Variants in SAMHD1 observed in about 807,000 individuals in gnomAD.
SAMHD1 encodes deoxynucleoside triphosphate triphosphohydrolase SAMHD1.
In SAMHD1, 54 loss-of-function variants were observed where a neutral mutation model predicts 79.6. The observed-to-expected ratio is 0.68, with a 90% CI of 0.55 to 0.85. The LOEUF (loss-of-function observed/expected upper bound fraction) is 0.85. Among genes scored for constraint, SAMHD1 ranks in the 40% least tolerant of loss-of-function variants. The pLI, the probability that SAMHD1 is intolerant of heterozygous loss-of-function variation, is 0.00. For missense variants in SAMHD1, 663 were observed against 782.7 expected (o/e 0.85, Z 1.82); for synonymous variants, 260 against 264.1 (o/e 0.98, Z 0.15).
intron 5 of SAMHD1, among the ~76,000 whole-genome samples, chr20:36,928,791 T>C (rs2063551333): frequency 2.0e-5 from 3 of 151,970 alleles, no homozygotes; most frequent in Admixed American, 2.0e-4. Flanking sequence ...GTGTGGTGGC[T>C]CATGCCTGTA....
rs2063399474 is a variant in SAMHD1 at position 36,905,468 on chromosome 20, G to T, written c.1306C>A (p.Pro436Thr). 3 of 1,612,160 alleles carry T rather than the reference G, an allele frequency of 1.9e-6. No homozygotes were observed. In the South Asian group the frequency reaches 3.3e-5, roughly 18 times the overall value. Residue 436 changes from proline (P) to threonine (T), a missense_variant, in exon 12 of 16, where the codon CCC (proline) becomes ACC (threonine). Coordinates refer to ENST00000646673, the MANE Select transcript of SAMHD1 (RefSeq NM_015474.4). ...IFLEILYSTD[P>T]KLKDAREILK... ...ATCTCTCGTGCGTCTTTCAATTTGG[G>T]ATCAGTAGAGTATAAAATCTCCAGA...
At chr20:36,936,123 C>T (rs1055312049) in intron 3 of SAMHD1, among the ~76,000 whole-genome samples, 2 of 151,796 alleles carry the variant, frequency 1.3e-5, no homozygotes, top group African/African-American at 4.8e-5. Context: ...TCTGTAGTCC[C>T]GGGTACTCTA....
chr20:36,938,054 A>G (rs1386146414), intron 3 of SAMHD1, among the ~76,000 whole-genome samples: 1 of 151,976 alleles, frequency 6.6e-6, no homozygotes, highest in Non-Finnish European at 1.5e-5. Flanking sequence ...TTGTTTGTAG[A>G]TGGAGTTTCA....
At chr20:36,914,731 G>A (rs1265323001) in intron 9 of SAMHD1, among the ~76,000 whole-genome samples, 1 of 151,730 alleles carries the variant, frequency 6.6e-6, no homozygotes, top group Non-Finnish European at 1.5e-5. Context: ...AGTAGATGGG[G>A]CGTGGCGGCT....
chr20:36,907,310 G>A (rs1601121236), intron 11 of SAMHD1, among the ~76,000 whole-genome samples: 2 of 150,962 alleles, frequency 1.3e-5, no homozygotes, highest in Non-Finnish European at 3.0e-5. Context: ...TCAGGCTGGA[G>A]TGAAGTGGCA....
At chr20:36,946,905 AC>A in intron 1 of SAMHD1, 101 bp from the exon 2 acceptor site, 1 of 879,730 alleles carries the variant, frequency 1.1e-6, no homozygotes, top group Non-Finnish European at 1.8e-6. Context: ...ATAAGTGAGT[AC>A]CCACTGCAGG....
intron 11 of SAMHD1, 37 bp from the exon 12 acceptor site, chr20:36,905,540 A>C: frequency 6.5e-7 from 1 of 1,533,570 alleles, no homozygotes; most frequent in South Asian, 1.1e-5. Flanking sequence ...TATTAAAATA[A>C]AAACACAGAG....
rs773525960 is a variant in SAMHD1, at chr20:36,927,287, C to T, written c.626-35G>A. 15 of 1,305,898 alleles carry T rather than the reference C, an allele frequency of 1.1e-5. No individual in the cohort carries two copies. In the Admixed American group the frequency reaches 1.4e-4, roughly 12 times the overall value. The allele number at this position is 1,305,898 out of a possible 1,614,324, so 80.9% of individuals were successfully genotyped here. ...AAAAGCAGCCTTAGAACAAGAAAAA[C>T]ATCTGTAAACCAACAAAAACTTTTT... On this transcript the variant is annotated intron_variant, in intron 5 of 15. Transcript: ENST00000646673.
chr20:36,918,239 C>T lies in SAMHD1; in HGVS notation c.852+1125G>A, dbSNP rs190390021. Among the ~76,000 whole-genome samples, 286 of 152,074 alleles carry T rather than the reference C, an allele frequency of 1.9e-3. 1 individual carries two copies. Among genetic ancestry groups the T allele is most frequent in the African/African-American group, 6.4e-3 (266 of 41,514 alleles). On this transcript the variant is annotated intron_variant, in intron 7 of 15. Coordinates refer to ENST00000646673, the MANE Select transcript of SAMHD1 (RefSeq NM_015474.4). ...GTGCTGGGATTACAGGCATGAGTCACTGAGCCTGGCCAAATATGTTCATTT... is the reference window on the plus strand; with the variant it reads ...GTGCTGGGATTACAGGCATGAGTCATTGAGCCTGGCCAAATATGTTCATTT...
chr20:36,905,739 G>A (rs2063401090), intron 11 of SAMHD1, among the ~76,000 whole-genome samples: 1 of 152,160 alleles, frequency 6.6e-6, no homozygotes, highest in East Asian at 1.9e-4. Context: ...GAGAGGCCGA[G>A]GCGGGCGGAT....
chr20:36,947,846 A>AT (rs1798579534), intron 1 of SAMHD1, among the ~76,000 whole-genome samples: 1 of 151,590 alleles, frequency 6.6e-6, no homozygotes, highest in Non-Finnish European at 1.5e-5. Context: ...TTTTATTTTT[A>AT]TTTTTTGTAA....
At chr20:36,944,118 C>T (rs1453201267) in intron 2 of SAMHD1, among the ~76,000 whole-genome samples, 3 of 145,988 alleles carry the variant, frequency 2.1e-5, no homozygotes, top group South Asian at 2.2e-4. Context: ...AGGCCTGAGG[C>T]GGGCAGATCA....
chr20:36,918,719 T>C (rs1422785988), intron 7 of SAMHD1, among the ~76,000 whole-genome samples: 3 of 145,568 alleles, frequency 2.1e-5, no homozygotes, highest in African/African-American at 7.7e-5. Flanking sequence ...GAAGAATTGC[T>C]TGAGCCTGGG....
At chr20:36,945,025 A>G (rs1204392865) in intron 2 of SAMHD1, among the ~76,000 whole-genome samples, 5 of 151,214 alleles carry the variant, frequency 3.3e-5, no homozygotes, top group Admixed American at 3.3e-4. Flanking sequence ...ATGTATGTAT[A>G]TATGTATCTA....
chr20:36,910,255 G>A (rs77134143), intron 11 of SAMHD1, among the ~76,000 whole-genome samples: 1 of 150,834 alleles, frequency 6.6e-6, no homozygotes, highest in Non-Finnish European at 1.5e-5. Flanking sequence ...AGGTGTGGTG[G>A]CACATGCCTA....
rs538233889 is a variant in SAMHD1 at position 36,951,292 on chromosome 20, A to G, written c.208+144T>C. 379 of 1,140,354 alleles carry G rather than the reference A, an allele frequency of 3.3e-4. 4 individuals carry two copies. The African/African-American group carries it at 5.6e-3, about 17-fold the overall frequency. 70.6% of individuals were successfully genotyped at this position (1,140,354 alleles called of 1,614,324 possible). On this transcript the variant is annotated intron_variant, in intron 1 of 15. Transcript: ENST00000646673. Reference sequence around the variant, plus strand: ...GGGTCTTCCTTTCCTCGGCGCCCCCAGCGCAGGTCCGCCCTCCCGGGTGCC... The same window carrying G: ...GGGTCTTCCTTTCCTCGGCGCCCCCGGCGCAGGTCCGCCCTCCCGGGTGCC...
chr20:36,938,887 T>C (rs948985997), intron 3 of SAMHD1, among the ~76,000 whole-genome samples: 2 of 150,918 alleles, frequency 1.3e-5, no homozygotes, highest in Non-Finnish European at 3.0e-5. Context: ...CATTATTATA[T>C]AGTTGAACCA....
chr20:36,914,936 G>T (rs1173106354), intron 9 of SAMHD1, among the ~76,000 whole-genome samples: 1 of 151,798 alleles, frequency 6.6e-6, no homozygotes, highest in Non-Finnish European at 1.5e-5. Flanking sequence ...TGCTTGAGCT[G>T]GGAAGGTGGA....
intron 3 of SAMHD1, among the ~76,000 whole-genome samples, chr20:36,939,520 TG>T (rs2063627858): frequency 6.6e-6 from 1 of 151,108 alleles, no homozygotes; most frequent in African/African-American, 2.4e-5. Context: ...CACTTGAAAC[TG>T]GGAGGCAGAG....
Sources: allele counts gnomAD v4.1 joint callset (sites outside exome capture counted in the v4.1 genomes callset), GRCh38; gene constraint gnomAD v4.1.1; transcripts MANE v1.5; gene names NCBI Gene and HGNC (gene_info 2026-07-23, HGNC 2026-07-21).